The following PCDH15 variants were observed in gnomAD, a reference collection of about 807,000 sequenced individuals.
PCDH15 encodes protocadherin related 15.
A neutral mutation model predicts 178.5 loss-of-function variants in PCDH15; 129 were observed. The ratio of observed to expected loss-of-function variants is 0.72; its 90% confidence interval spans 0.63 to 0.84. The LOEUF is 0.84. PCDH15 is among the 40% of genes least tolerant of loss of function. PCDH15 has a pLI of 0.00. For synonymous variants in PCDH15, 800 were observed against 732.0 expected (o/e 1.09, Z -1.50); for missense variants, 2,230 against 2,099.9 (o/e 1.06, Z -1.21).
At chr10:54,815,445 C>A (rs1952933086) in intron 3 of PCDH15, among the ~76,000 whole-genome samples, 1 of 152,094 alleles carries the variant, frequency 6.6e-6, no homozygotes, top group South Asian at 2.1e-4. Context: ...GTTCTACAGT[C>A]ATAATTTCAT....
intron 2 of PCDH15, among the ~76,000 whole-genome samples, chr10:54,598,683 C>A (rs2092360945): frequency 6.6e-6 from 1 of 152,080 alleles, no homozygotes; most frequent in African/African-American, 2.4e-5. Context: ...GGAAGTCAAA[C>A]TAATCCTGTT....
At chr10:54,630,661 T>G (rs1467870745) in intron 2 of PCDH15, among the ~76,000 whole-genome samples, 1 of 152,114 alleles carries the variant, frequency 6.6e-6, no homozygotes, top group East Asian at 1.9e-4. Flanking sequence ...AAATTGACAG[T>G]TGGGACCCTA....
In PCDH15 at chr10:55,358,982, A is replaced by T. The variant is rs187123108; in HGVS notation, c.-155-192331T>A. Among the ~76,000 whole-genome samples the T allele has an allele frequency of 2.3e-3, 355 of 152,244 alleles. 1 individual carries two copies. The highest frequency in any genetic ancestry group is 8.0e-3 in the African/African-American group (331 of 41,568). ...TGAAATGGGAAGATCTTTCGAGGCC[A>T]GGACTTCAAGACCAGCCTGAGCAAC... is the stretch of plus-strand genomic sequence containing the variant. On this transcript the variant is annotated intron_variant, in intron 2 of 5. Transcript: ENST00000613346.
intron 2 of PCDH15, among the ~76,000 whole-genome samples, chr10:55,478,937 TA>T (rs36113145): frequency 0.58 from 78,986 of 137,320 alleles, 21,807 homozygotes; most frequent in East Asian, 0.7. Context: ...ATCACAAAGA[TA>T]AAAAAAAAAA....
intron 25 of PCDH15, among the ~76,000 whole-genome samples, chr10:53,930,224 C>T (rs1441599162): frequency 1.3e-5 from 2 of 151,466 alleles, no homozygotes; most frequent in South Asian, 2.1e-4. Flanking sequence ...TTTGGGAGGC[C>T]GAGGCGGGCA....
At chr10:54,863,500 C>CCA (rs1953883402) in intron 3 of PCDH15, among the ~76,000 whole-genome samples, 2 of 152,174 alleles carry the variant, frequency 1.3e-5, no homozygotes, top group African/African-American at 2.4e-5. Context: ...CGAGATCGTG[C>CCA]CACTGCGCTC....
chr10:54,741,192 TTC>T (rs1259828830), intron 1 of PCDH15, among the ~76,000 whole-genome samples: 6 of 146,890 alleles, frequency 4.1e-5, no homozygotes, highest in South Asian at 2.1e-4. Context: ...TATTTATACA[TTC>T]TCTTTTTTAT....
intron 20 of PCDH15, among the ~76,000 whole-genome samples, chr10:53,998,142 A>G (rs2091943540): frequency 6.6e-6 from 1 of 152,170 alleles, no homozygotes; most frequent in Non-Finnish European, 1.5e-5. Flanking sequence ...TCTCTTGCCC[A>G]TTATTCCACT....
At chr10:53,930,457 CAAAAAAAAAAAA>C (rs60673116) in intron 25 of PCDH15, among the ~76,000 whole-genome samples, 156 of 50,366 alleles carry the variant, frequency 3.1e-3, no homozygotes, top group African/African-American at 0.011. Flanking sequence ...GACTCCCTCT[CAAAAAAAAAAAA>C]AAAAAAAAAA....
intron 2 of PCDH15, among the ~76,000 whole-genome samples, chr10:55,458,038 A>G (rs560530805): frequency 1.3e-5 from 2 of 152,036 alleles, no homozygotes; most frequent in Non-Finnish European, 2.9e-5. Flanking sequence ...GGATTAAACC[A>G]CTTTGGAAAT....
chr10:54,928,141 A>C (rs1799186692), intron 2 of PCDH15, among the ~76,000 whole-genome samples: 1 of 152,132 alleles, frequency 6.6e-6, no homozygotes, highest in African/African-American at 2.4e-5. Flanking sequence ...GTGGTAACAA[A>C]GTCTCTCAGC....
chr10:54,906,157 C>T (rs1434377113), intron 2 of PCDH15, among the ~76,000 whole-genome samples: 1 of 151,984 alleles, frequency 6.6e-6, no homozygotes, highest in Non-Finnish European at 1.5e-5. Context: ...TCAGAAATTT[C>T]CTAGGTAGAA....
chr10:54,375,481 C>T (rs1042723726), intron 4 of PCDH15, among the ~76,000 whole-genome samples: 12 of 151,878 alleles, frequency 7.9e-5, no homozygotes, highest in African/African-American at 2.7e-4. Context: ...TATATCTATG[C>T]TATTGGTATT....
chr10:54,939,585 T>C (rs868092214), intron 2 of PCDH15, among the ~76,000 whole-genome samples: 1 of 151,968 alleles, frequency 6.6e-6, no homozygotes, highest in African/African-American at 2.4e-5. Context: ...CTTTTTGCAT[T>C]TCTGGATAGC....
Position 53,806,815 on chromosome 10 carries a change from T to C in PCDH15, c.4987A>G (p.Lys1663Glu), listed in dbSNP as rs753250912. The change falls in exon 38 of 38, where the codon AAA becomes GAA. Residue 1663 changes from lysine to glutamate, a missense_variant. By Grantham distance (56) the Lys-to-Glu change is moderately conservative. Transcript: ENST00000644397. ...ACCAGAGTTGGTCTTGCATTCATTT[T>C]TTCAGTAGAAAATGGCCCCTTTGAT... ...TLSKGPFSTE[K>E]MNARPTLVTF... The C allele has an allele frequency of 6.2e-7, 1 of 1,613,894 alleles. No individual in the cohort carries two copies. Among genetic ancestry groups the C allele is most frequent in the Non-Finnish European group, 8.5e-7 (1 of 1,179,814 alleles).
At chr10:55,100,395 C>T (rs1048828967) in intron 2 of PCDH15, among the ~76,000 whole-genome samples, 1 of 151,992 alleles carries the variant, frequency 6.6e-6, no homozygotes, top group Non-Finnish European at 1.5e-5. Context: ...TAGTTAGCAC[C>T]GTACTCTTGA....
At chr10:53,876,553 A>G (rs1198211170) in intron 26 of PCDH15, among the ~76,000 whole-genome samples, 2 of 152,050 alleles carry the variant, frequency 1.3e-5, no homozygotes, top group East Asian at 3.9e-4. Flanking sequence ...ATATACCCAG[A>G]ACATGATAAA....
intron 2 of PCDH15, among the ~76,000 whole-genome samples, chr10:54,979,941 G>A (rs1194662792): frequency 1.3e-5 from 2 of 152,018 alleles, no homozygotes; most frequent in Non-Finnish European, 2.9e-5. Flanking sequence ...AGAGTTCCAG[G>A]AATGAAATGT....
At chr10:54,097,915 A>G (rs2136122115) in intron 15 of PCDH15, among the ~76,000 whole-genome samples, 1 of 152,300 alleles carries the variant, frequency 6.6e-6, no homozygotes, top group African/African-American at 2.4e-5. Flanking sequence ...GGATAAACTA[A>G]GTCCAGGAAA....
Sources: gnomAD v4.1 joint callset for allele counts (sites outside exome capture counted in the v4.1 genomes callset) on GRCh38, gnomAD v4.1.1 for gene constraint, MANE v1.5 for transcripts, NCBI Gene and HGNC (gene_info 2026-07-23, HGNC 2026-07-21) for gene names.